The following NREP variants were observed in gnomAD, a reference collection of about 807,000 sequenced individuals.
NREP encodes neuronal regeneration related protein.
A neutral mutation model predicts 8.6 loss-of-function variants in NREP; 5 were observed. That is an observed-to-expected ratio of 0.58 (90% CI 0.30 to 1.22). NREP has a LOEUF of 1.22. Among genes scored for constraint, NREP ranks in the 50% most tolerant of loss-of-function variants. The pLI is 0.07. For synonymous variants in NREP, 27 were observed against 28.0 expected, an observed-to-expected ratio of 0.96 and a Z score of 0.11; for missense variants, 86 against 82.5, an observed-to-expected ratio of 1.04 and a Z score of -0.17.
intron 2 of NREP, among the ~76,000 whole-genome samples, chr5:111,934,218 A>T (rs1755621268): frequency 6.6e-6 from 1 of 152,030 alleles, no homozygotes; most frequent in Non-Finnish European, 1.5e-5. Flanking sequence ...CAGGTGAGAG[A>T]GAGTTCCATT....
intron 2 of NREP, among the ~76,000 whole-genome samples, chr5:111,910,347 C>CT (rs529685659): frequency 3.3e-5 from 5 of 151,768 alleles, no homozygotes; most frequent in East Asian, 1.9e-4. Flanking sequence ...GTTAAATCAT[C>CT]TTTTTTTTCC....
At chr5:111,733,268 A>G (rs549574367) in intron 3 of NREP, 15 of 152,276 alleles carry the variant, frequency 9.9e-5, no homozygotes, top group African/African-American at 3.6e-4. Context: ...ACCCTTCATT[A>G]ACTTGCTGTG....
At chr5:111,750,212 C>G (rs1750268668) in intron 2 of NREP, among the ~76,000 whole-genome samples, 1 of 152,202 alleles carries the variant, frequency 6.6e-6, no homozygotes, top group Non-Finnish European at 1.5e-5. Flanking sequence ...AAGCCTAACT[C>G]TCTAATGCAC....
intron 2 of NREP, among the ~76,000 whole-genome samples, chr5:111,902,047 A>G (rs1014818128): frequency 6.6e-6 from 1 of 152,132 alleles, no homozygotes; most frequent in African/African-American, 2.4e-5. Context: ...AGACTTCAAA[A>G]TATACTACAA....
chr5:111,846,420 C>CTTTTTTTTTTTTTTTGT (rs1753170273), intron 2 of NREP: 1 of 44,414 alleles, frequency 2.3e-5, no homozygotes, highest in Non-Finnish European at 4.2e-5. Flanking sequence ...TTTTTGTTTG[C>CTTTTTTTTTTTTTTTGT]TTTTTTTTTT....
chr5:111,786,014 T>C (rs1205096962), intron 2 of NREP, among the ~76,000 whole-genome samples: 1 of 152,194 alleles, frequency 6.6e-6, no homozygotes, highest in East Asian at 1.9e-4. Context: ...AGGAAAAGGC[T>C]TTAAAGGCCA....
intron 2 of NREP, among the ~76,000 whole-genome samples, chr5:111,817,909 C>A (rs1256933240): frequency 1.3e-5 from 2 of 151,226 alleles, no homozygotes; most frequent in Non-Finnish European, 2.9e-5. Flanking sequence ...TAAGAATTGA[C>A]CCTGAGTTTA....
At chr5:111,875,341 G>A (rs1753879361) in intron 2 of NREP, among the ~76,000 whole-genome samples, 3 of 151,940 alleles carry the variant, frequency 2.0e-5, no homozygotes, top group Non-Finnish European at 4.4e-5. Flanking sequence ...TACCAGATCT[G>A]GAGTTATCAA....
intron 2 of NREP, among the ~76,000 whole-genome samples, chr5:111,793,428 G>A (rs1372967571): frequency 1.3e-5 from 2 of 152,098 alleles, no homozygotes; most frequent in South Asian, 2.1e-4. Context: ...TCCAATAACC[G>A]AAGGCAGGAG....
At chr5:111,869,873 T>A (rs994548792) in intron 2 of NREP, among the ~76,000 whole-genome samples, 2 of 152,196 alleles carry the variant, frequency 1.3e-5, no homozygotes, top group Non-Finnish European at 1.5e-5. Flanking sequence ...CTCGTATGAA[T>A]GAATTTCTTG....
chr5:111,864,662 A>G (rs1753626454), intron 2 of NREP, among the ~76,000 whole-genome samples: 1 of 152,144 alleles, frequency 6.6e-6, no homozygotes, highest in African/African-American at 2.4e-5. Flanking sequence ...GAAAGGAACA[A>G]AGAAATGAGT....
At chr5:111,961,466 C>T (rs1052277430) in intron 2 of NREP, among the ~76,000 whole-genome samples, 2 of 152,192 alleles carry the variant, frequency 1.3e-5, no homozygotes, top group Admixed American at 1.3e-4. Context: ...TGATGTAAGA[C>T]CGTTTTTCTC....
At chr5:111,832,402 G>A (rs1752793180) in intron 2 of NREP, among the ~76,000 whole-genome samples, 1 of 152,088 alleles carries the variant, frequency 6.6e-6, no homozygotes, top group African/African-American at 2.4e-5. Context: ...GGGGTGGCAT[G>A]AGCCTGTAGT....
At chr5:111,737,958 T>A (rs1222698459) in intron 2 of NREP, among the ~76,000 whole-genome samples, 8 of 152,158 alleles carry the variant, frequency 5.3e-5, no homozygotes, top group Admixed American at 5.2e-4. Context: ...TGAACGTTGC[T>A]TTGGCCTTCT....
Position 111,881,207 on chromosome 5 carries a change from C to T in NREP, c.135+94067G>A, listed in dbSNP as rs187837132. On this transcript the variant is annotated intron_variant, in intron 2 of 3. Transcript: ENST00000395634. ...CCTGGCTCAGAGGGTCCTACACCCA[C>T]GGAGTCTCCCTGATTGCTAGCACAG... Among the ~76,000 whole-genome samples the T allele has an allele frequency of 8.9e-3, 1,315 of 147,856 alleles. 21 individuals carry two copies. Among genetic ancestry groups the T allele is most frequent in the African/African-American group, 0.031 (1,243 of 40,438 alleles).
At chr5:111,756,010 C>G in intron 1 of NREP, 180 bp from the exon 2 acceptor site, 2 of 1,385,716 alleles carry the variant, frequency 1.4e-6, no homozygotes, top group Non-Finnish European at 1.9e-6. Flanking sequence ...ATAGGCTTAA[C>G]TAAGGGACAA....
intron 3 of NREP, chr5:111,732,368 A>G (rs959515840): frequency 6.6e-6 from 1 of 152,110 alleles, no homozygotes; most frequent in East Asian, 1.9e-4. Flanking sequence ...AACATCTGGT[A>G]TGCCTCAATT....
chr5:111,976,327 C>T (rs1325764352), intron 1 of NREP, among the ~76,000 whole-genome samples: 1 of 152,124 alleles, frequency 6.6e-6, no homozygotes, highest in Non-Finnish European at 1.5e-5. Context: ...CCAACATTCC[C>T]CTTAAAACAA....
At chr5:111,796,482 C>T (rs1250849609) in intron 2 of NREP, among the ~76,000 whole-genome samples, 2 of 152,132 alleles carry the variant, frequency 1.3e-5, no homozygotes, top group Non-Finnish European at 2.9e-5. Flanking sequence ...TAATTGGCAT[C>T]CCAAAGTCTC....
Sources: gnomAD v4.1 joint callset for allele counts (sites outside exome capture counted in the v4.1 genomes callset) on GRCh38, gnomAD v4.1.1 for gene constraint, MANE v1.5 for transcripts, NCBI Gene and HGNC (gene_info 2026-07-23, HGNC 2026-07-21) for gene names.